Variants in IL17D observed in about 807,000 individuals in gnomAD.
IL17D encodes interleukin-17D.
In IL17D, 10 loss-of-function variants were observed where a neutral mutation model predicts 5.7. The ratio of observed to expected loss-of-function variants is 1.75; its 90% confidence interval spans 1.08 to 2.97. The LOEUF is 2.97. Among genes scored for constraint, IL17D ranks in the 30% most tolerant of loss-of-function variants. The probability of loss-of-function intolerance (pLI) is 0.00; values close to 1 mark genes in which losing one functional copy is unlikely to be tolerated. For synonymous variants in IL17D, 172 were observed against 141.7 expected (o/e 1.21, Z -1.52); for missense variants, 354 against 292.7 (o/e 1.21, Z -1.53).
rs2058569578 is a variant in IL17D at position 20,704,235 on chromosome 13, C to A, written c.234C>A (p.Ala78=). The change falls in exon 1 of 2, where the codon GCC becomes GCA. Residue 78 remains alanine (A), a synonymous_variant. Transcript: ENST00000682841. ...GCTGCCCGGCAGGGGGCAGGCCCGC[C>A]GACCGCCGCTTCCGGCCGCCCACCA... ...NASCPAGGRP[A]DRRFRPPTNL... is the part of the protein sequence containing the mutation. 1 of 1,321,540 alleles carries A rather than the reference C, an allele frequency of 7.6e-7. No homozygotes were observed. The highest frequency in any genetic ancestry group is 9.6e-7 in the Non-Finnish European group (1 of 1,036,800). The allele number at this position is 1,321,540 out of a possible 1,614,324, so 81.9% of individuals were successfully genotyped here. A position where few individuals can be genotyped will look rare whatever the true frequency, so the allele number is the denominator to read the frequency against.
chr13:20,714,754 C>G (rs1402091146), intron 1 of IL17D, among the ~76,000 whole-genome samples: 1 of 152,236 alleles, frequency 6.6e-6, no homozygotes, highest in Non-Finnish European at 1.5e-5. Context: ...TGTCCTGTTT[C>G]ATGAGAAATG....
intron 1 of IL17D, chr13:20,713,829 C>T (rs2058658929): frequency 6.6e-6 from 1 of 152,224 alleles, no homozygotes; most frequent in Non-Finnish European, 1.5e-5. Flanking sequence ...AAATAAGAGG[C>T]CAAAGAGAAA....
chr13:20,715,286 A>AT (rs1469918892), intron 1 of IL17D, among the ~76,000 whole-genome samples: 1 of 151,970 alleles, frequency 6.6e-6, no homozygotes, highest in East Asian at 1.9e-4. Context: ...ACTGATTACT[A>AT]TTTTTTATAA....
rs567521942 is a variant in IL17D at position 20,719,485 on chromosome 13, T to C, written c.291-2151T>C. Among the ~76,000 whole-genome samples, 7 of 152,268 alleles carry C rather than the reference T, an allele frequency of 4.6e-5. No individual in the cohort carries two copies. In the East Asian group the frequency reaches 1.4e-3, roughly 29 times the overall value. On this transcript the variant is annotated intron_variant, in intron 1 of 1. Transcript: ENST00000682841. Reference sequence around the variant, plus strand: ...ACCTGCCCACACACACCCACACACCTGCCATACACACATGCTCACACTCAT... The same window carrying C: ...ACCTGCCCACACACACCCACACACCCGCCATACACACATGCTCACACTCAT...
intron 1 of IL17D, among the ~76,000 whole-genome samples, chr13:20,712,260 T>C (rs1445883643): frequency 6.6e-6 from 1 of 152,202 alleles, no homozygotes; most frequent in African/African-American, 2.4e-5. Flanking sequence ...AGTATAATGT[T>C]AGAGAAAGTT....
At chr13:20,702,096 C>T (rs936570339), upstream of IL17D, 3 of 152,164 alleles carry the variant, frequency 2.0e-5, no homozygotes, top group Non-Finnish European at 2.9e-5. Context: ...GCCTCCCACG[C>T]TTCCTTTTTT....
At position 20,722,425 on chromosome 13, in the gene IL17D, A is replaced by G. The variant is rs2141403519; in HGVS notation, c.*471A>G. The G allele has an allele frequency of 6.5e-6, 1 of 154,592 alleles. No homozygotes were observed. Among genetic ancestry groups the G allele is most frequent in the South Asian group, 2.1e-4 (1 of 4,868 alleles). The allele number at this position is 154,592 out of a possible 1,614,324, so 9.6% of individuals were successfully genotyped here. On this transcript the variant is annotated 3_prime_UTR_variant, in exon 2 of 2. Coordinates refer to ENST00000682841, the MANE Select transcript of IL17D (RefSeq NM_001385224.1). ...TTTTGAATAGAGGCAGAGCTATTTT[A>G]TATTATCAAATGAGAGCTACTCTGT...
intron 1 of IL17D, among the ~76,000 whole-genome samples, chr13:20,715,804 C>T (rs57262852): frequency 5.9e-5 from 9 of 152,028 alleles, no homozygotes; most frequent in Non-Finnish European, 1.2e-4. Context: ...AGTGCAGTGG[C>T]GTGATCATGG....
rs1462024287 is a variant in IL17D at position 20,704,193 on chromosome 13, G to A, written c.192G>A (p.Glu64=). The A allele has an allele frequency of 1.8e-5, 25 of 1,372,970 alleles. No homozygotes were observed. The highest frequency in any genetic ancestry group is 2.4e-5 in the Non-Finnish European group (25 of 1,057,550). 85.0% of individuals were successfully genotyped at this position (1,372,970 alleles called of 1,614,324 possible). Residue 64 remains glutamate, a synonymous_variant, in exon 1 of 2, where the codon GAG becomes GAA. Coordinates refer to ENST00000682841, the MANE Select transcript of IL17D (RefSeq NM_001385224.1). ...ACACGCTGCAGCTGGGGCCGCGTGAGCAGGCGCGCAACGCGAGCTGCCCGG... is the reference window on the plus strand; with the variant it reads ...ACACGCTGCAGCTGGGGCCGCGTGAACAGGCGCGCAACGCGAGCTGCCCGG... ...FHHTLQLGPR[E]QARNASCPAG... is the part of the protein sequence containing the mutation.
chr13:20,706,209 G>T (rs895224875), intron 1 of IL17D, among the ~76,000 whole-genome samples: 2 of 152,184 alleles, frequency 1.3e-5, no homozygotes, highest in African/African-American at 2.4e-5. Flanking sequence ...CACACATGGC[G>T]CCATTCATTC....
rs1218802484 is a variant in IL17D, at chr13:20,721,866, A to T, written c.521A>T (p.Glu174Val). The T allele has an allele frequency of 1.2e-6, 2 of 1,610,332 alleles. No individual in the cohort carries two copies. Among genetic ancestry groups the T allele is most frequent in the African/African-American group, 2.7e-5 (2 of 75,014 alleles). Residue 174 changes from glutamate to valine, a missense_variant, in exon 2 of 2, where the codon GAG becomes GTG. By Grantham distance (121) the Glu-to-Val change is moderately radical (BLOSUM62 -2). Coordinates refer to ENST00000682841, the MANE Select transcript of IL17D (RefSeq NM_001385224.1). ...GGCTGCACCTGCGTCCCCGAGCCGG[A>T]GAAGGACGCAGACAGCATCAACTCC... ...PVGCTCVPEP[E>V]KDADSINSSI... is the part of the protein sequence containing the mutation.
intron 1 of IL17D, among the ~76,000 whole-genome samples, chr13:20,706,059 GGCCTCCT>G (rs2058589873): frequency 6.6e-6 from 1 of 152,114 alleles, no homozygotes; most frequent in Non-Finnish European, 1.5e-5. Flanking sequence ...CAAGTTTTAG[GGCCTCCT>G]GCCTCCTGGC....
chr13:20,720,807 G>A (rs1023235323), intron 1 of IL17D, among the ~76,000 whole-genome samples: 1 of 151,880 alleles, frequency 6.6e-6, no homozygotes, highest in Non-Finnish European at 1.5e-5. Context: ...GTCAGTCACC[G>A]GCTTCCTCTG....
At chr13:20,714,947 G>C (rs1393159062) in intron 1 of IL17D, among the ~76,000 whole-genome samples, 1 of 152,164 alleles carries the variant, frequency 6.6e-6, no homozygotes, top group Non-Finnish European at 1.5e-5. Flanking sequence ...TCCCTGGCCA[G>C]CCACCAGAGC....
intron 1 of IL17D, among the ~76,000 whole-genome samples, chr13:20,710,628 T>TG (rs2058628584): frequency 1.8e-5 from 1 of 55,266 alleles, no homozygotes; most frequent in Non-Finnish European, 3.0e-5. Flanking sequence ...AAACTCTGTC[T>TG]AAAAAAAAAA....
chr13:20,703,906 C>T lies in IL17D; in HGVS notation c.-96C>T, dbSNP rs1196882745. The T allele has an allele frequency of 7.8e-6, 5 of 642,074 alleles. No homozygotes were observed. Among genetic ancestry groups the T allele is most frequent in the African/African-American group, 2.0e-5 (1 of 49,636 alleles). 39.8% of individuals were successfully genotyped at this position (642,074 alleles called of 1,614,324 possible). ...CCGCGGGGCGAGGGGAGGCGCCCGC[C>T]GGCTCCGGGCGCCGCGGGCGGGACA... On this transcript the variant is annotated 5_prime_UTR_variant, in exon 1 of 2. Coordinates refer to ENST00000682841, the MANE Select transcript of IL17D (RefSeq NM_001385224.1).
rs878862334 is a variant in IL17D at position 20,721,768 on chromosome 13, C to A, written c.423C>A (p.Val141=). ...FRSAPVYMPT[V]VLRRTPACAG... ...GCGCCCCTGTCTACATGCCCACCGT[C>A]GTCCTGCGCCGCACCCCCGCCTGCG... The change falls in exon 2 of 2, where the codon GTC becomes GTA. Residue 141 remains valine (V), a synonymous_variant. Transcript: ENST00000682841. The A allele has an allele frequency of 1.9e-6, 3 of 1,609,658 alleles. No individual in the cohort carries two copies. The highest frequency in any genetic ancestry group is 1.1e-5 in the South Asian group (1 of 91,040).
At position 20,716,391 on chromosome 13, in the gene IL17D, T is replaced by A. The variant is rs2058679544; in HGVS notation, c.291-5245T>A. Among the ~76,000 whole-genome samples, 1 of 152,222 alleles carries A rather than the reference T, an allele frequency of 6.6e-6. No individual in the cohort carries two copies. Among genetic ancestry groups the A allele is most frequent in the Non-Finnish European group, 1.5e-5 (1 of 68,042 alleles). ...AATCTTTCTGGGATTTCGTTAGAATTGCACTGACTTTATAGATTAATTGGA... is the reference window on the plus strand; with the variant it reads ...AATCTTTCTGGGATTTCGTTAGAATAGCACTGACTTTATAGATTAATTGGA... On this transcript the variant is annotated intron_variant, in intron 1 of 1. Transcript: ENST00000682841. The surrounding 1 kb of genome is among the most constrained non-coding windows in gnomAD (Gnocchi z 4.2).
Position 20,722,236 on chromosome 13 carries a change from T to G in IL17D, c.*282T>G, listed in dbSNP as rs1167856803. On this transcript the variant is annotated 3_prime_UTR_variant, in exon 2 of 2. Coordinates refer to ENST00000682841, the MANE Select transcript of IL17D (RefSeq NM_001385224.1). ...GGCCCGCATGGAGGGTTTGGAAAAG[T>G]TCACGGAGGCTCCCTGAGGAGCCTC... The G allele has an allele frequency of 2.4e-6, 1 of 425,190 alleles. No individual in the cohort carries two copies. The highest frequency in any genetic ancestry group is 2.1e-5 in the African/African-American group (1 of 47,890). 26.3% of individuals were successfully genotyped at this position (425,190 alleles called of 1,614,324 possible). A position where few individuals can be genotyped will look rare whatever the true frequency, so the allele number is the denominator to read the frequency against.
Sources: allele counts gnomAD v4.1 joint callset (sites outside exome capture counted in the v4.1 genomes callset), GRCh38; gene constraint gnomAD v4.1.1; non-coding constraint Gnocchi (gnomAD v3.1); transcripts MANE v1.5; gene names NCBI Gene and HGNC (gene_info 2026-07-23, HGNC 2026-07-21).